The following NEURL1B variants were observed in gnomAD, a reference collection of about 807,000 sequenced individuals.
NEURL1B encodes neuralized E3 ubiquitin protein ligase 1B, also known as E3 ubiquitin-protein ligase NEURL1B.
A neutral mutation model predicts 37.4 loss-of-function variants in NEURL1B; 13 were observed. The observed-to-expected ratio is 0.35, with a 90% confidence interval of 0.23 to 0.55. The LOEUF (loss-of-function observed/expected upper bound fraction) is 0.55. Ranked by LOEUF, NEURL1B falls within the 20% of genes least tolerant of loss-of-function variation. The pLI, the probability that NEURL1B is intolerant of heterozygous loss-of-function variation, is 0.89. For synonymous variants in NEURL1B, 432 were observed against 426.6 expected (o/e 1.01, Z -0.16); for missense variants, 790 against 879.2 (o/e 0.90, Z 1.28).
chr5:172,682,097 C>G (rs887165399), intron 2 of NEURL1B, among the ~76,000 whole-genome samples: 1 of 152,194 alleles, frequency 6.6e-6, no homozygotes, highest in African/African-American at 2.4e-5. Context: ...AGACCCTGCC[C>G]TCAAGAGACT....
In NEURL1B at chr5:172,670,116, C is replaced by T. The variant is rs924574775; in HGVS notation, c.363C>T (p.Asp121=). ...ACATCCCCAAGTACGCCTGCCCGGA[C>T]CTGGTCACGCGGCCGGGCTACTGGG... is the stretch of plus-strand genomic sequence containing the variant. ...AQDIPKYACP[D]LVTRPGYWAK... The change falls in exon 2 of 5, where the codon GAC becomes GAT. Residue 121 remains aspartate, a synonymous_variant. Coordinates refer to ENST00000369800, the MANE Select transcript of NEURL1B (RefSeq NM_001142651.3). The T allele has an allele frequency of 6.6e-7, 1 of 1,521,240 alleles. No individual in the cohort carries two copies. 94.2% of individuals were successfully genotyped at this position (1,521,240 alleles called of 1,614,324 possible).
chr5:172,668,648 C>T (rs1758060269), intron 1 of NEURL1B, among the ~76,000 whole-genome samples: 1 of 152,200 alleles, frequency 6.6e-6, no homozygotes, highest in South Asian at 2.1e-4. Flanking sequence ...CCATTCTTCT[C>T]ATTGTGTGCC....
chr5:172,686,668 T>C lies in NEURL1B; in HGVS notation c.1424-13T>C. ...GACATTGTTAACATATGTCCTCTTC[T>C]CCCTTTCGGCAGTGACGGCCCCCAG... On this transcript the variant is annotated splice_polypyrimidine_tract_variant and intron_variant, in intron 4 of 4. Transcript: ENST00000369800. This position sits in a 1 kb window ranked among gnomAD's most constrained non-coding sequence, Gnocchi z 7.9. 1 of 1,547,052 alleles carries C rather than the reference T, an allele frequency of 6.5e-7. No homozygotes were observed. The highest frequency in any genetic ancestry group is 1.4e-5 in the African/African-American group (1 of 73,086).
chr5:172,656,739 G>C, intron 1 of NEURL1B: 1 of 907,706 alleles, frequency 1.1e-6, no homozygotes, highest in Non-Finnish European at 1.8e-6. Context: ...TTCCCCAGAA[G>C]TTAAGTTTAA....
At chr5:172,644,448 AC>A (rs1384845875) in intron 1 of NEURL1B, among the ~76,000 whole-genome samples, 6 of 152,198 alleles carry the variant, frequency 3.9e-5, no homozygotes, top group African/African-American at 1.4e-4. Flanking sequence ...CCCACCATGC[AC>A]GTGGCATGCT....
At chr5:172,654,342 T>G (rs1035937265) in intron 1 of NEURL1B, among the ~76,000 whole-genome samples, 7 of 152,190 alleles carry the variant, frequency 4.6e-5, no homozygotes, top group Non-Finnish European at 1.0e-4. Context: ...AGTTTCCTTA[T>G]CAATTACTGA....
In NEURL1B at chr5:172,647,043, C is replaced by T. The variant is rs1757573893; in HGVS notation, c.31+5606C>T. ...CCACACTCCCAACCGGGATAATGTGCTGTGTTTGCCAGCAGGGGCGTAGCA... is the reference window on the plus strand; with the variant it reads ...CCACACTCCCAACCGGGATAATGTGTTGTGTTTGCCAGCAGGGGCGTAGCA... On this transcript the variant is annotated intron_variant, in intron 1 of 4. Coordinates refer to ENST00000369800, the MANE Select transcript of NEURL1B (RefSeq NM_001142651.3). This position sits in a 1 kb window ranked among gnomAD's most constrained non-coding sequence, Gnocchi z 4.2. Among the ~76,000 whole-genome samples, 1 of 152,178 alleles carries T rather than the reference C, an allele frequency of 6.6e-6. No homozygotes were observed. Among genetic ancestry groups the T allele is most frequent in the Admixed American group, 6.5e-5 (1 of 15,284 alleles).
chr5:172,659,046 C>T (rs1428418843), intron 1 of NEURL1B, among the ~76,000 whole-genome samples: 79 of 135,730 alleles, frequency 5.8e-4, no homozygotes, highest in Non-Finnish European at 7.6e-4. Context: ...CCCCCCCCCC[C>T]CAAAGCTTCC....
intron 2 of NEURL1B, among the ~76,000 whole-genome samples, chr5:172,674,865 G>C (rs911753631): frequency 2.0e-5 from 3 of 152,050 alleles, no homozygotes; most frequent in Non-Finnish European, 4.4e-5. Flanking sequence ...GCATCACTCT[G>C]ATTCATAATC....
intron 2 of NEURL1B, among the ~76,000 whole-genome samples, chr5:172,671,943 C>G (rs1758137221): frequency 6.6e-6 from 1 of 152,260 alleles, no homozygotes; most frequent in Non-Finnish European, 1.5e-5. Context: ...CTCCACTTGC[C>G]AGCTGTGTGG....
chr5:172,650,805 C>T (rs1374976121), intron 1 of NEURL1B, among the ~76,000 whole-genome samples: 2 of 152,196 alleles, frequency 1.3e-5, no homozygotes, highest in African/African-American at 4.8e-5. Context: ...TGTTGTTCCC[C>T]TATTGGCTAG....
At chr5:172,644,870 A>G (rs922166485) in intron 1 of NEURL1B, among the ~76,000 whole-genome samples, 1 of 152,132 alleles carries the variant, frequency 6.6e-6, no homozygotes, top group Non-Finnish European at 1.5e-5. Flanking sequence ...GCGTTCCAGG[A>G]TGAGAGTGAG....
Position 172,647,453 on chromosome 5 carries a change from G to T in NEURL1B, c.31+6016G>T, listed in dbSNP as rs544228698. 6.6e-6 allele frequency among the ~76,000 whole-genome samples: 1 copy of T among 152,002 alleles called. No homozygotes were observed. The highest frequency in any genetic ancestry group is 2.4e-5 in the African/African-American group (1 of 41,368). On this transcript the variant is annotated intron_variant, in intron 1 of 4. Transcript: ENST00000369800. This position sits in a 1 kb window ranked among gnomAD's most constrained non-coding sequence, Gnocchi z 4.2. ...CTCAGAGGGGTAGTGAGACCTGCCC[G>T]GCCCAGGTGGCCAGGAAGTGGCAGA...
At chr5:172,659,209 A>G (rs1581425262) in intron 1 of NEURL1B, among the ~76,000 whole-genome samples, 1 of 152,242 alleles carries the variant, frequency 6.6e-6, no homozygotes, top group South Asian at 2.1e-4. Context: ...GGGTGTGAAG[A>G]ACATTTCTTC....
Position 172,686,144 on chromosome 5 carries a change from C to T in NEURL1B, c.1298-27C>T. On this transcript the variant is annotated intron_variant, in intron 3 of 4. Transcript: ENST00000369800. This position sits in a 1 kb window ranked among gnomAD's most constrained non-coding sequence, Gnocchi z 7.9. ...CAGGGCAGGTCCAACCTTCCACTGC[C>T]CCTGATGGAATCTCTTTGGGCCTCA... The T allele has an allele frequency of 6.5e-7, 1 of 1,550,292 alleles. No individual in the cohort carries two copies. Among genetic ancestry groups the T allele is most frequent in the Non-Finnish European group, 8.7e-7 (1 of 1,146,286 alleles).
At chr5:172,672,553 C>CT (rs1758151204) in intron 2 of NEURL1B, among the ~76,000 whole-genome samples, 1 of 134,378 alleles carries the variant, frequency 7.4e-6, no homozygotes, top group African/African-American at 2.8e-5. Flanking sequence ...CCCCCCCACT[C>CT]TATTTCCTTA....
At position 172,670,277 on chromosome 5, in the gene NEURL1B, C is replaced by T. The variant is rs566946932; in HGVS notation, c.524C>T (p.Pro175Leu). 182 of 1,386,434 alleles carry T rather than the reference C, an allele frequency of 1.3e-4. No individual in the cohort carries two copies. Among genetic ancestry groups the T allele is most frequent in the Non-Finnish European group, 1.6e-4 (176 of 1,074,980 alleles). The allele number at this position is 1,386,434 out of a possible 1,614,324, so 85.9% of individuals were successfully genotyped here. A position where few individuals can be genotyped will look rare whatever the true frequency, so the allele number is the denominator to read the frequency against. The stretch of plus-strand genomic sequence containing the variant: ...CACTGCGGCGTGGCCGTGGGCGGCC[C>T]GCTCTGGGCGCTCATTGATGTCTAC... ...LFHCGVAVGGPLWALIDVYGI... is the reference protein window; with the variant it reads ...LFHCGVAVGGLLWALIDVYGI... Residue 175 changes from proline to leucine, a missense_variant, in exon 2 of 5, where the codon CCG becomes CTG. Pro to Leu is a moderately conservative substitution (Grantham distance 98). Transcript: ENST00000369800.
chr5:172,666,728 C>T (rs79552786), intron 1 of NEURL1B, among the ~76,000 whole-genome samples: 10,219 of 152,230 alleles, frequency 0.067, 1,051 homozygotes, highest in African/African-American at 0.22. Context: ...GCCTTCACCA[C>T]GGCCCAACGC....
At chr5:172,679,415 C>T (rs191344588) in intron 2 of NEURL1B, among the ~76,000 whole-genome samples, 1 of 152,358 alleles carries the variant, frequency 6.6e-6, no homozygotes, top group East Asian at 1.9e-4. Flanking sequence ...GTACTTGTTT[C>T]AGCCACCGGT....
Sources: gnomAD v4.1 joint callset for allele counts (sites outside exome capture counted in the v4.1 genomes callset) on GRCh38, gnomAD v4.1.1 for gene constraint, Gnocchi (gnomAD v3.1) non-coding constraint, MANE v1.5 for transcripts, NCBI Gene and HGNC (gene_info 2026-07-23, HGNC 2026-07-21) for gene names.